The following LIPH variants were observed in gnomAD, a reference collection of about 807,000 sequenced individuals.
LIPH encodes the protein lipase member H.
Under a neutral mutation model 47.6 loss-of-function variants are expected in LIPH, and 32 were observed. The observed-to-expected ratio is 0.67, with a 90% confidence interval of 0.51 to 0.90. LIPH has a LOEUF of 0.90. Among genes scored for constraint, LIPH ranks in the 40% least tolerant of loss-of-function variants. The pLI is 0.00. For synonymous variants in LIPH, 190 were observed against 195.6 expected, an observed-to-expected ratio of 0.97 and a Z score of 0.24; for missense variants, 497 against 541.4, an observed-to-expected ratio of 0.92 and a Z score of 0.81.
intron 3 of LIPH, among the ~76,000 whole-genome samples, chr3:185,529,553 C>T (rs1720244763): frequency 6.7e-6 from 1 of 149,628 alleles, no homozygotes; most frequent in African/African-American, 2.4e-5. Flanking sequence ...GCCGGGATTA[C>T]AGGTGTGAGC....
chr3:185,527,403 C>T lies in LIPH; in HGVS notation c.628+81G>A, dbSNP rs1462021655. 9.3e-6 allele frequency: 9 copies of T among 963,886 alleles called. No homozygotes were observed. In the Admixed American group the frequency reaches 1.4e-4, roughly 15 times the overall value. 59.7% of individuals were successfully genotyped at this position (963,886 alleles called of 1,614,324 possible). On this transcript the variant is annotated intron_variant, in intron 4 of 9. Coordinates refer to ENST00000296252, the MANE Select transcript of LIPH (RefSeq NM_139248.3). ...TTAGAATCTAGAGGAACCTGATCTG[C>T]TCCTACATGATTATCTCTCCCCAGG...
At chr3:185,531,423 G>C (rs1017233792) in intron 3 of LIPH, among the ~76,000 whole-genome samples, 2 of 151,746 alleles carry the variant, frequency 1.3e-5, no homozygotes, top group Non-Finnish European at 2.9e-5. Context: ...GTGCACGCCG[G>C]TAGTCCCAGC....
intron 6 of LIPH, among the ~76,000 whole-genome samples, chr3:185,517,377 T>A (rs957473266): frequency 2.6e-5 from 4 of 152,100 alleles, no homozygotes; most frequent in African/African-American, 9.7e-5. Context: ...CCTCCAGTTG[T>A]TTTCCCCCTT....
At chr3:185,534,631 C>T (rs1373898771) in intron 2 of LIPH, 134 bp downstream of exon 2, 3 of 837,500 alleles carry the variant, frequency 3.6e-6, no homozygotes, top group East Asian at 2.5e-5. Flanking sequence ...TCCCACCTTC[C>T]CTGGGGCTTA....
At position 185,519,133 on chromosome 3, in the gene LIPH, T is replaced by A. The variant is rs747910784; in HGVS notation, c.886+9A>T. ...GTGAATCAGAGAGGAAACTGCTGGT[T>A]AGACTTACCCAGAAGGGGACAGGAC... On this transcript the variant is annotated intron_variant, in intron 6 of 9. Transcript: ENST00000296252. 1 of 1,612,766 alleles carries A rather than the reference T, an allele frequency of 6.2e-7. No individual in the cohort carries two copies. The highest frequency in any genetic ancestry group is 1.3e-5 in the African/African-American group (1 of 74,910).
chr3:185,514,893 C>T (rs1282405836), intron 7 of LIPH, among the ~76,000 whole-genome samples: 2 of 152,180 alleles, frequency 1.3e-5, no homozygotes, highest in Non-Finnish European at 2.9e-5. Context: ...GACGGTTTTC[C>T]ACAGTTTGGG....
Position 185,508,878 on chromosome 3 carries a change from C to T in LIPH, c.1269-1G>A, listed in dbSNP as rs761299420. On this transcript the variant is annotated splice_acceptor_variant, in intron 9 of 9. Transcript: ENST00000296252. LOFTEE classifies it high-confidence loss of function. ...AAGATCATACCGACACAGCTGAGGCCTGGGAAAATAAGACAAAATATCCTT... is the reference window on the plus strand; with the variant it reads ...AAGATCATACCGACACAGCTGAGGCTTGGGAAAATAAGACAAAATATCCTT... 6.2e-7 allele frequency: 1 copy of T among 1,601,270 alleles called. No homozygotes were observed. The highest frequency in any genetic ancestry group is 8.6e-7 in the Non-Finnish European group (1 of 1,168,530).
chr3:185,518,849 C>G (rs7628969), intron 6 of LIPH, among the ~76,000 whole-genome samples: 1 of 151,858 alleles, frequency 6.6e-6, no homozygotes, highest in Non-Finnish European at 1.5e-5. Context: ...AGCCTCCTCT[C>G]GAGTAGCTGG....
At position 185,507,125 on chromosome 3, in the gene LIPH, C is replaced by T. The variant is rs1410510342; in HGVS notation, c.*1665G>A. On this transcript the variant is annotated 3_prime_UTR_variant, in exon 10 of 10. Transcript: ENST00000296252. ...TGGTGGCTCATGCCTGTAATCCCAGCACTTTGGGAGGCCGAGACGGGTAGT... is the reference window on the plus strand; with the variant it reads ...TGGTGGCTCATGCCTGTAATCCCAGTACTTTGGGAGGCCGAGACGGGTAGT... 2 of 152,162 alleles carry T rather than the reference C, an allele frequency of 1.3e-5. No individual in the cohort carries two copies. The highest frequency in any genetic ancestry group is 2.9e-5 in the Non-Finnish European group (2 of 68,062). 9.4% of individuals were successfully genotyped at this position (152,162 alleles called of 1,614,324 possible).
At position 185,508,695 on chromosome 3, in the gene LIPH, T is replaced by G; in HGVS notation, c.*95A>C. Reference sequence around the variant, plus strand: ...AAAAAAGCCTTGGTTTTTTTCATACTTTTTCTGCCTTGCAGAAAGGTGAGG... The same window carrying G: ...AAAAAAGCCTTGGTTTTTTTCATACGTTTTCTGCCTTGCAGAAAGGTGAGG... On this transcript the variant is annotated 3_prime_UTR_variant, in exon 10 of 10. Coordinates refer to ENST00000296252, the MANE Select transcript of LIPH (RefSeq NM_139248.3). 1.1e-6 allele frequency: 1 copy of G among 906,436 alleles called. No individual in the cohort carries two copies. The highest frequency in any genetic ancestry group is 1.4e-5 in the South Asian group (1 of 74,038). The allele number at this position is 906,436 out of a possible 1,614,324, so 56.1% of individuals were successfully genotyped here. A position where few individuals can be genotyped will look rare whatever the true frequency, so the allele number is the denominator to read the frequency against.
intron 1 of LIPH, among the ~76,000 whole-genome samples, chr3:185,536,630 T>A (rs1475908799): frequency 6.6e-6 from 1 of 151,850 alleles, no homozygotes; most frequent in Non-Finnish European, 1.5e-5. Context: ...CAGGAGTGAG[T>A]GAAGTTTCAT....
At position 185,533,808 on chromosome 3, in the gene LIPH, G is replaced by A. The variant is rs970085847; in HGVS notation, c.418-129C>T. 6.8e-5 allele frequency: 45 copies of A among 662,716 alleles called. No individual in the cohort carries two copies. The East Asian group carries it at 1.0e-3, about 15-fold the overall frequency. 41.1% of individuals were successfully genotyped at this position (662,716 alleles called of 1,614,324 possible). A position where few individuals can be genotyped will look rare whatever the true frequency, so the allele number is the denominator to read the frequency against. On this transcript the variant is annotated intron_variant, in intron 2 of 9. Transcript: ENST00000296252. Reference sequence around the variant, plus strand: ...CTTACATCTATTATCTCATTTAAAAGTCACAACATCCATGCAAAGTAAATA... The same window carrying A: ...CTTACATCTATTATCTCATTTAAAAATCACAACATCCATGCAAAGTAAATA...
chr3:185,549,759 G>A (rs1271351190), intron 1 of LIPH, among the ~76,000 whole-genome samples: 2 of 152,114 alleles, frequency 1.3e-5, no homozygotes, highest in African/African-American at 4.8e-5. Context: ...CAGAGGCACA[G>A]TCATAGCTCA....
intron 3 of LIPH, among the ~76,000 whole-genome samples, chr3:185,532,729 G>A (rs1470717839): frequency 6.6e-6 from 1 of 152,174 alleles, no homozygotes; most frequent in Non-Finnish European, 1.5e-5. Flanking sequence ...GGTGGAGGTT[G>A]CAGTGACCCG....
chr3:185,529,950 GAAAGAAAGAAAGAAGGAA>G (rs1720268948), intron 3 of LIPH, among the ~76,000 whole-genome samples: 2 of 54,652 alleles, frequency 3.7e-5, no homozygotes, highest in African/African-American at 9.9e-5. Flanking sequence ...AAGAAAGAAA[GAAAGAAAGAAAGAAGGAA>G]AGAAAGAAAG....
At chr3:185,511,385 A>G in intron 9 of LIPH, 139 bp downstream of exon 9, 1 of 839,298 alleles carries the variant, frequency 1.2e-6, no homozygotes, top group African/African-American at 1.7e-5. Flanking sequence ...GTTTATAATA[A>G]AAACTATTTT....
chr3:185,508,721 T>G lies in LIPH; in HGVS notation c.*69A>C. 1 of 1,142,428 alleles carries G rather than the reference T, an allele frequency of 8.8e-7. No individual in the cohort carries two copies. Among genetic ancestry groups the G allele is most frequent in the Non-Finnish European group, 1.3e-6 (1 of 750,968 alleles). 70.8% of individuals were successfully genotyped at this position (1,142,428 alleles called of 1,614,324 possible). A position where few individuals can be genotyped will look rare whatever the true frequency, so the allele number is the denominator to read the frequency against. On this transcript the variant is annotated 3_prime_UTR_variant, in exon 10 of 10. Coordinates refer to ENST00000296252, the MANE Select transcript of LIPH (RefSeq NM_139248.3). Reference sequence around the variant, plus strand: ...TTTTCTGCCTTGCAGAAAGGTGAGGTGAAGCTTTCAAACAGCCTGTGGTTG... The same window carrying G: ...TTTTCTGCCTTGCAGAAAGGTGAGGGGAAGCTTTCAAACAGCCTGTGGTTG...
rs539094392 is a variant in LIPH at position 185,539,084 on chromosome 3, C to T, written c.50-3952G>A. Among the ~76,000 whole-genome samples, 15 of 151,554 alleles carry T rather than the reference C, an allele frequency of 9.9e-5. 2 individuals are homozygous for T. In the South Asian group the frequency reaches 3.1e-3, roughly 32 times the overall value. ...CTCCCAGGTTCAAGTGATTCCCCTGCCTGTCTCCCAAGTAGCTGGGACTAC... is the reference window on the plus strand; with the variant it reads ...CTCCCAGGTTCAAGTGATTCCCCTGTCTGTCTCCCAAGTAGCTGGGACTAC... On this transcript the variant is annotated intron_variant, in intron 1 of 9. Coordinates refer to ENST00000296252, the MANE Select transcript of LIPH (RefSeq NM_139248.3).
intron 1 of LIPH, among the ~76,000 whole-genome samples, chr3:185,537,098 T>A (rs904360539): frequency 1.3e-5 from 2 of 152,218 alleles, no homozygotes; most frequent in Non-Finnish European, 2.9e-5. Flanking sequence ...TTGGCCAAGG[T>A]GGTCTTGAAC....
Sources: allele counts gnomAD v4.1 joint callset (sites outside exome capture counted in the v4.1 genomes callset), GRCh38; gene constraint gnomAD v4.1.1; transcripts MANE v1.5; gene names NCBI Gene and HGNC (gene_info 2026-07-23, HGNC 2026-07-21).